Variants in FUBP3 observed in about 807,000 individuals in gnomAD.
FUBP3 encodes the protein far upstream element binding protein 3.
FUBP3 carries 28 observed loss-of-function variants against 85.6 expected under a neutral mutation model. That is an observed-to-expected ratio of 0.33 (90% CI 0.24 to 0.45). FUBP3 has a LOEUF of 0.45. Ranked by LOEUF, FUBP3 falls within the 20% of genes least tolerant of loss-of-function variation. The probability of loss-of-function intolerance (pLI) is 1.00; values close to 1 mark genes in which losing one functional copy is unlikely to be tolerated. For missense variants in FUBP3, 583 were observed against 755.1 expected, an observed-to-expected ratio of 0.77 and a Z score of 2.67; for synonymous variants, 271 against 271.4, an observed-to-expected ratio of 1.00 and a Z score of 0.01.
chr9:130,628,103 C>T (rs1269586030), intron 12 of FUBP3, among the ~76,000 whole-genome samples: 1 of 81,210 alleles, frequency 1.2e-5, no homozygotes. Context: ...CGCACGCACG[C>T]GCACACACAC....
chr9:130,606,074 A>G (rs1831415537), intron 2 of FUBP3, among the ~76,000 whole-genome samples: 1 of 152,208 alleles, frequency 6.6e-6, no homozygotes, highest in African/African-American at 2.4e-5. Flanking sequence ...AAATTAATAA[A>G]TTATGCTTGC....
At chr9:130,603,072 C>A (rs1445575748) in intron 2 of FUBP3, among the ~76,000 whole-genome samples, 1 of 152,006 alleles carries the variant, frequency 6.6e-6, no homozygotes, top group Non-Finnish European at 1.5e-5. Flanking sequence ...GGAGGCTGGG[C>A]ATGGTAGCTC....
At chr9:130,602,236 CA>C (rs1192267536) in intron 2 of FUBP3, among the ~76,000 whole-genome samples, 5 of 152,256 alleles carry the variant, frequency 3.3e-5, no homozygotes, top group East Asian at 3.9e-4. Flanking sequence ...AGCCACCTAC[CA>C]GGGGTCTTGG....
chr9:130,579,864 C>T lies in FUBP3; in HGVS notation c.84+100C>T, dbSNP rs538882938. The stretch of plus-strand genomic sequence containing the variant: ...CCTGGGGGGCGGGAGGCAGCCTGAA[C>T]CGACGTCTCAGCCGGGCCGGGCCGT... On this transcript the variant is annotated intron_variant, in intron 1 of 18. Coordinates refer to ENST00000319725, the MANE Select transcript of FUBP3 (RefSeq NM_003934.2). The T allele has an allele frequency of 7.1e-5, 50 of 706,322 alleles. No homozygotes were observed. In the East Asian group the frequency reaches 1.7e-3, roughly 23 times the overall value. 43.8% of individuals were successfully genotyped at this position (706,322 alleles called of 1,614,324 possible).
At chr9:130,630,572 C>T in intron 12 of FUBP3, 56 bp from the exon 13 acceptor site, 1 of 1,441,992 alleles carries the variant, frequency 6.9e-7, no homozygotes, top group South Asian at 1.3e-5. Flanking sequence ...GCCCCAGAGC[C>T]TCAGGAGTTG....
At chr9:130,609,456 AG>A (rs1486117059) in intron 2 of FUBP3, among the ~76,000 whole-genome samples, 17 of 25,042 alleles carry the variant, frequency 6.8e-4, no homozygotes, top group Non-Finnish European at 1.6e-3. Context: ...GGGGCCGGCG[AG>A]GGGGGCACCA....
chr9:130,583,369 G>A (rs1277880854), intron 1 of FUBP3, among the ~76,000 whole-genome samples: 1 of 152,152 alleles, frequency 6.6e-6, no homozygotes, highest in Non-Finnish European at 1.5e-5. Context: ...CAAGCACTAG[G>A]TTTCCTTTTA....
rs143416327 is a variant in FUBP3, at chr9:130,614,433, A to G, written c.404+88A>G. 8.0e-5 allele frequency: 65 copies of G among 813,116 alleles called. No homozygotes were observed. The African/African-American group carries it at 8.0e-4, about 10-fold the overall frequency. 50.4% of individuals were successfully genotyped at this position (813,116 alleles called of 1,614,324 possible). A position where few individuals can be genotyped will look rare whatever the true frequency, so the allele number is the denominator to read the frequency against. ...TGGAAGGGCAACACTGTTACTGAAC[A>G]CTGAGTCTGTGCTGCAGTCTGGCCA... On this transcript the variant is annotated intron_variant, in intron 6 of 18. Transcript: ENST00000319725.
Position 130,616,452 on chromosome 9 carries a change from C to T in FUBP3, c.502C>T (p.Leu168Phe). ...IDSNSTIQEI[L>F]IPASKVGLVI... ...CAGCAACAGCACAATCCAGGAGATT[C>T]TCATTCCCGCATCTAAAGTGGGTCT... Residue 168 changes from leucine (L) to phenylalanine (F), a missense_variant, in exon 7 of 19, where the codon CTC (leucine) becomes TTC (phenylalanine). Around this residue, in one of 3 missense-constraint regions of FUBP3, gnomAD observed 177 missense variants for 221.9 expected, o/e 0.80. Transcript: ENST00000319725. This position sits in a 1 kb window ranked among gnomAD's most constrained non-coding sequence, Gnocchi z 4.7. The T allele has an allele frequency of 6.2e-7, 1 of 1,614,052 alleles. No individual in the cohort carries two copies. Among genetic ancestry groups the T allele is most frequent in the East Asian group, 2.2e-5 (1 of 44,874 alleles).
intron 18 of FUBP3, 70 bp from the exon 19 acceptor site, chr9:130,636,944 G>A: frequency 7.4e-7 from 1 of 1,358,432 alleles, no homozygotes; most frequent in Non-Finnish European, 1.1e-6. Flanking sequence ...CGAGACCTGG[G>A]GGAGGTCACT....
intron 13 of FUBP3, 68 bp from the exon 14 acceptor site, chr9:130,631,489 G>T: frequency 6.8e-7 from 1 of 1,466,058 alleles, no homozygotes; most frequent in Non-Finnish European, 9.5e-7. Context: ...TTGCCTCGGG[G>T]TGGGCCTGGG....
Position 130,612,560 on chromosome 9 carries a change from CT to C in FUBP3, c.274+62del. The C allele has an allele frequency of 3.6e-6, 4 of 1,107,418 alleles. No individual in the cohort carries two copies. Among genetic ancestry groups the C allele is most frequent in the South Asian group, 1.3e-5 (1 of 77,926 alleles). The allele number at this position is 1,107,418 out of a possible 1,614,324, so 68.6% of individuals were successfully genotyped here. A position where few individuals can be genotyped will look rare whatever the true frequency, so the allele number is the denominator to read the frequency against. ...TGATTCCTGTCTCTTCTTTTTCTCT[CT>C]TTTTTTCTGAGCTGCTTTGCCAGGA... On this transcript the variant is annotated intron_variant, in intron 4 of 18. Coordinates refer to ENST00000319725, the MANE Select transcript of FUBP3 (RefSeq NM_003934.2). This position sits in a 1 kb window ranked among gnomAD's most constrained non-coding sequence, Gnocchi z 4.1.
intron 2 of FUBP3, among the ~76,000 whole-genome samples, chr9:130,605,152 A>G (rs1297205780): frequency 6.6e-6 from 1 of 152,186 alleles, no homozygotes; most frequent in African/African-American, 2.4e-5. Context: ...TGAATATACT[A>G]TCATAGAATT....
intron 2 of FUBP3, among the ~76,000 whole-genome samples, chr9:130,598,155 T>C (rs1830961374): frequency 6.6e-6 from 1 of 152,246 alleles, no homozygotes; most frequent in South Asian, 2.1e-4. Flanking sequence ...CAGTTCTCTT[T>C]ATCAATACTG....
At chr9:130,615,353 C>T (rs947193204) in intron 6 of FUBP3, among the ~76,000 whole-genome samples, 12 of 152,346 alleles carry the variant, frequency 7.9e-5, no homozygotes, top group African/African-American at 2.6e-4. Context: ...TCTCTTCTTT[C>T]TTCCTACTCT....
rs1352531221 is a variant in FUBP3, at chr9:130,616,927, G to A, written c.567+410G>A. ...CTTTTTGAAGGTTCAGGGTCTTTGTGTGTCAAAAGGGGCAAGTGCAGGCTT... is the reference window on the plus strand; with the variant it reads ...CTTTTTGAAGGTTCAGGGTCTTTGTATGTCAAAAGGGGCAAGTGCAGGCTT... On this transcript the variant is annotated intron_variant, in intron 7 of 18. Transcript: ENST00000319725. This position sits in a 1 kb window ranked among gnomAD's most constrained non-coding sequence, Gnocchi z 4.7. Among the ~76,000 whole-genome samples, 1 of 152,222 alleles carries A rather than the reference G, an allele frequency of 6.6e-6. No individual in the cohort carries two copies. The highest frequency in any genetic ancestry group is 1.5e-5 in the Non-Finnish European group (1 of 68,042).
intron 1 of FUBP3, among the ~76,000 whole-genome samples, chr9:130,587,826 A>T (rs1344145051): frequency 1.3e-5 from 2 of 152,208 alleles, no homozygotes; most frequent in East Asian, 1.9e-4. Flanking sequence ...GTGGGGAGAC[A>T]GTGTAACCAA....
chr9:130,615,326 C>T (rs1440663946), intron 6 of FUBP3, among the ~76,000 whole-genome samples: 2 of 152,218 alleles, frequency 1.3e-5, no homozygotes, highest in East Asian at 1.9e-4. Flanking sequence ...CAAAAGGCAA[C>T]ATCTATTTCC....
intron 1 of FUBP3, among the ~76,000 whole-genome samples, chr9:130,589,701 ATATATTTTTT>A (rs1465100574): frequency 7.1e-5 from 2 of 28,034 alleles, no homozygotes; most frequent in African/African-American, 4.1e-4. Context: ...ATATATATAT[ATATATTTTTT>A]TTTTTTTTTT....
Sources: allele counts gnomAD v4.1 joint callset (sites outside exome capture counted in the v4.1 genomes callset), GRCh38; gene constraint gnomAD v4.1.1; regional missense constraint gnomAD v4.1.1; non-coding constraint Gnocchi (gnomAD v3.1); transcripts MANE v1.5; gene names NCBI Gene and HGNC (gene_info 2026-07-23, HGNC 2026-07-21).